The following PCBP3 variants were observed in gnomAD, a reference collection of about 807,000 sequenced individuals.
The protein encoded by PCBP3 is poly(rC)-binding protein 3.
Under a neutral mutation model 52.7 loss-of-function variants are expected in PCBP3, and 25 were observed. The observed-to-expected ratio is 0.47, with a 90% CI of 0.35 to 0.66. The LOEUF is 0.66. Ranked by LOEUF, PCBP3 falls within the 30% of genes least tolerant of loss-of-function variation. The pLI is 0.01. For synonymous variants in PCBP3, 162 were observed against 183.0 expected (o/e 0.89, Z 0.93); for missense variants, 391 against 490.3 (o/e 0.80, Z 1.91).
At chr21:45,745,928 A>G (rs1246658036) in intron 3 of PCBP3, among the ~76,000 whole-genome samples, 5 of 151,752 alleles carry the variant, frequency 3.3e-5, no homozygotes, top group Non-Finnish European at 7.4e-5. Context: ...GTGTCAGTCC[A>G]TTGACGTAGC....
At chr21:45,677,305 C>T (rs1290336587) in intron 2 of PCBP3, among the ~76,000 whole-genome samples, 1 of 152,204 alleles carries the variant, frequency 6.6e-6, no homozygotes. Context: ...GTGCAACTAA[C>T]CACAACATTG....
At chr21:45,842,082 G>C (rs1223700206) in intron 4 of PCBP3, among the ~76,000 whole-genome samples, 2 of 152,150 alleles carry the variant, frequency 1.3e-5, no homozygotes, top group Non-Finnish European at 2.9e-5. Context: ...GTTTTGCTTT[G>C]GGCAGTTTTC....
intron 4 of PCBP3, among the ~76,000 whole-genome samples, chr21:45,825,260 G>A (rs1420429910): frequency 6.6e-6 from 1 of 152,234 alleles, no homozygotes; most frequent in Non-Finnish European, 1.5e-5. Context: ...GAATCTAGAT[G>A]ACATTCTCAG....
intron 4 of PCBP3, among the ~76,000 whole-genome samples, chr21:45,799,290 C>T (rs1390616227): frequency 2.0e-5 from 3 of 152,112 alleles, no homozygotes; most frequent in Non-Finnish European, 4.4e-5. Context: ...ACAAGTTGTC[C>T]GATGAGTACA....
chr21:45,659,147 A>G (rs1490203952), intron 1 of PCBP3, among the ~76,000 whole-genome samples: 3 of 148,510 alleles, frequency 2.0e-5, no homozygotes. Flanking sequence ...TTTTGCTCGA[A>G]TATTTGTTTT....
chr21:45,757,799 G>T (rs549893219), intron 4 of PCBP3, among the ~76,000 whole-genome samples: 1 of 152,222 alleles, frequency 6.6e-6, no homozygotes, highest in African/African-American at 2.4e-5. Context: ...CCTATGGAAT[G>T]GTCTTAGTAT....
intron 4 of PCBP3, among the ~76,000 whole-genome samples, chr21:45,764,038 G>A (rs1040674081): frequency 6.6e-6 from 1 of 151,790 alleles, no homozygotes; most frequent in African/African-American, 2.4e-5. Flanking sequence ...TTATTTGTGA[G>A]TGAAGCTGTC....
intron 5 of PCBP3, among the ~76,000 whole-genome samples, chr21:45,893,340 A>G (rs2095730530): frequency 6.6e-6 from 1 of 151,348 alleles, no homozygotes; most frequent in South Asian, 2.1e-4. Flanking sequence ...GTGGAAGAGG[A>G]TGCAGAAAAG....
At chr21:45,681,694 G>A (rs1423657341) in intron 2 of PCBP3, among the ~76,000 whole-genome samples, 2 of 152,170 alleles carry the variant, frequency 1.3e-5, no homozygotes, top group African/African-American at 2.4e-5. Context: ...CATGAGGGAT[G>A]TAGGTCTGTA....
At chr21:45,685,915 CTTTTTTT>C (rs1168054154) in intron 2 of PCBP3, among the ~76,000 whole-genome samples, 2 of 125,458 alleles carry the variant, frequency 1.6e-5, no homozygotes, top group Admixed American at 8.3e-5. Context: ...GTAAGATGAA[CTTTTTTT>C]TTTTTTTTTT....
Position 45,805,717 on chromosome 21 carries a change from T to C in PCBP3, c.-125-44244T>C, listed in dbSNP as rs1569246660. ...GGCAGCTCATCCCTGCACCTGAGCT[T>C]GCAGGCATGCTCCTGTCTTTCTGTG... On this transcript the variant is annotated intron_variant, in intron 4 of 17. Transcript: ENST00000681687. The surrounding 1 kb of genome is among the most constrained non-coding windows in gnomAD (Gnocchi z 4.6). 1.3e-5 allele frequency among the ~76,000 whole-genome samples: 2 copies of C among 152,158 alleles called. No individual in the cohort carries two copies. Among genetic ancestry groups the C allele is most frequent in the Non-Finnish European group, 2.9e-5 (2 of 68,008 alleles).
intron 2 of PCBP3, among the ~76,000 whole-genome samples, chr21:45,703,173 A>C (rs2083236144): frequency 6.6e-6 from 1 of 152,236 alleles, no homozygotes; most frequent in Non-Finnish European, 1.5e-5. Flanking sequence ...TGAGGGTTGG[A>C]ATCAACTTCT....
intron 4 of PCBP3, among the ~76,000 whole-genome samples, chr21:45,822,343 T>C (rs1274631720): frequency 1.3e-5 from 2 of 152,242 alleles, no homozygotes; most frequent in Admixed American, 6.5e-5. Flanking sequence ...GTGTTCTGCG[T>C]TCTTTTAAAT....
chr21:45,654,542 T>C (rs933876700), intron 1 of PCBP3, among the ~76,000 whole-genome samples: 5 of 152,166 alleles, frequency 3.3e-5, no homozygotes, highest in African/African-American at 9.7e-5. Context: ...GATTTCACGA[T>C]GTTGGCTAGG....
intron 3 of PCBP3, among the ~76,000 whole-genome samples, chr21:45,745,909 A>T (rs1473526642): frequency 6.6e-6 from 1 of 151,734 alleles, no homozygotes; most frequent in Non-Finnish European, 1.5e-5. Context: ...GTGTTGTGTC[A>T]GCATCGCTGT....
intron 5 of PCBP3, among the ~76,000 whole-genome samples, chr21:45,879,843 G>C (rs771556292): frequency 2.0e-5 from 3 of 151,806 alleles, no homozygotes; most frequent in Admixed American, 6.6e-5. Context: ...GCATCCATTA[G>C]AAAAGAAGAA....
intron 2 of PCBP3, among the ~76,000 whole-genome samples, chr21:45,703,322 T>C (rs1220305408): frequency 6.6e-6 from 1 of 152,212 alleles, no homozygotes; most frequent in Non-Finnish European, 1.5e-5. Flanking sequence ...CTGTGGCAGC[T>C]ATAGCCTTAC....
chr21:45,913,160 GAGA>G (rs1305259543), intron 11 of PCBP3, among the ~76,000 whole-genome samples: 1 of 152,234 alleles, frequency 6.6e-6, no homozygotes, highest in Non-Finnish European at 1.5e-5. Flanking sequence ...ACTCACCCAG[GAGA>G]AGGAGGGCAG....
At chr21:45,938,254 G>C (rs551626337) in intron 16 of PCBP3, among the ~76,000 whole-genome samples, 1 of 151,764 alleles carries the variant, frequency 6.6e-6, no homozygotes, top group Non-Finnish European at 1.5e-5. Context: ...CAGACACCAC[G>C]CGCTCCAGCG....
Sources: gnomAD v4.1 joint callset for allele counts (sites outside exome capture counted in the v4.1 genomes callset) on GRCh38, gnomAD v4.1.1 for gene constraint, Gnocchi (gnomAD v3.1) non-coding constraint, MANE v1.5 for transcripts, NCBI Gene and HGNC (gene_info 2026-07-23, HGNC 2026-07-21) for gene names.